Variants in IARS1 observed in about 807,000 individuals in gnomAD.
IARS1 encodes the protein isoleucine--tRNA ligase, cytoplasmic.
In IARS1, 124 loss-of-function variants were observed where a neutral mutation model predicts 168.2. That is an observed-to-expected ratio of 0.74 (90% CI 0.64 to 0.86). The LOEUF (loss-of-function observed/expected upper bound fraction) is 0.86. Ranked by LOEUF, IARS1 falls within the 40% of genes least tolerant of loss-of-function variation. The pLI is 0.00. For missense variants in IARS1, 1,452 were observed against 1,515.8 expected (o/e 0.96, Z 0.70); for synonymous variants, 532 against 529.4 (o/e 1.00, Z -0.07).
At chr9:92,283,955 T>C (rs1587891597) in intron 6 of IARS1, among the ~76,000 whole-genome samples, 1 of 152,052 alleles carries the variant, frequency 6.6e-6, no homozygotes, top group Non-Finnish European at 1.5e-5. Context: ...CCAAGGCGGG[T>C]GGACTGCTTG....
At chr9:92,275,740 G>C (rs1833690737) in intron 9 of IARS1, among the ~76,000 whole-genome samples, 1 of 152,224 alleles carries the variant, frequency 6.6e-6, no homozygotes, top group Non-Finnish European at 1.5e-5. Context: ...AGGAGCAGCA[G>C]TGCTGCTCCA....
chr9:92,244,843 G>T, intron 27 of IARS1, 116 bp downstream of exon 27: 4 of 738,120 alleles, frequency 5.4e-6, no homozygotes, highest in Non-Finnish European at 9.1e-6. Flanking sequence ...CAAGTAACTG[G>T]TTTATTTTAC....
At chr9:92,271,421 T>C in intron 11 of IARS1, 112 bp downstream of exon 11, 1 of 1,362,194 alleles carries the variant, frequency 7.3e-7, no homozygotes, top group Non-Finnish European at 1.0e-6. Flanking sequence ...TTTCATGCGA[T>C]GACAAAACCA....
intron 7 of IARS1, among the ~76,000 whole-genome samples, chr9:92,278,848 T>C (rs575008282): frequency 1.5e-3 from 223 of 152,332 alleles, no homozygotes; most frequent in Non-Finnish European, 2.3e-3. Flanking sequence ...TATGGGACGC[T>C]ATTTTATAGA....
chr9:92,215,031 C>G (rs1209609446), intron 33 of IARS1, among the ~76,000 whole-genome samples: 1 of 152,176 alleles, frequency 6.6e-6, no homozygotes, highest in East Asian at 1.9e-4. Flanking sequence ...TGTCTGACAG[C>G]TTTGAAGAGA....
At chr9:92,248,321 G>C (rs1216254736) in intron 25 of IARS1, among the ~76,000 whole-genome samples, 1 of 152,154 alleles carries the variant, frequency 6.6e-6, no homozygotes, top group African/African-American at 2.4e-5. Flanking sequence ...GGAATGTTTA[G>C]TTTTGCCATT....
intron 10 of IARS1, among the ~76,000 whole-genome samples, chr9:92,273,341 T>C (rs1045844358): frequency 2.0e-5 from 3 of 152,194 alleles, no homozygotes; most frequent in Admixed American, 6.5e-5. Flanking sequence ...TATTAAGGAA[T>C]TGCTGACTTT....
Position 92,227,794 on chromosome 9 carries a change from C to T in IARS1, c.3409+1207G>A, listed in dbSNP as rs1192623843. Among the ~76,000 whole-genome samples, 4 of 150,238 alleles carry T rather than the reference C, an allele frequency of 2.7e-5. No individual in the cohort carries two copies. In the South Asian group the frequency reaches 6.4e-4, roughly 24 times the overall value. On this transcript the variant is annotated intron_variant, in intron 31 of 33. Coordinates refer to ENST00000443024, the MANE Select transcript of IARS1 (RefSeq NM_002161.6). The stretch of plus-strand genomic sequence containing the variant: ...AGATGGGATGGCGGCCGGGAAGAGG[C>T]GCTCCTCACTTCCTAGATGGGATGG...
intron 33 of IARS1, among the ~76,000 whole-genome samples, chr9:92,214,564 G>C (rs1289706711): frequency 1.3e-5 from 2 of 152,186 alleles, no homozygotes; most frequent in African/African-American, 4.8e-5. Flanking sequence ...GTGGGTGCAC[G>C]CACCGTGCGC....
rs1364618802 is a variant in IARS1 at position 92,222,650 on chromosome 9, G to A, written c.3576C>T (p.Gly1192=). The part of the protein sequence containing the change: ...KPQECLMGTV[G]TLLLENPLGQ... Reference sequence around the variant, plus strand: ...CAAGTGGGTTTTCAAGCAGGAGAGTGCCCACTGTCCCCATTAAACACTCTG... The same window carrying A: ...CAAGTGGGTTTTCAAGCAGGAGAGTACCCACTGTCCCCATTAAACACTCTG... Residue 1192 remains glycine, a synonymous_variant, in exon 33 of 34, where the codon GGC becomes GGT. Coordinates refer to ENST00000443024, the MANE Select transcript of IARS1 (RefSeq NM_002161.6). The A allele has an allele frequency of 1.9e-6, 3 of 1,613,894 alleles. No homozygotes were observed. The highest frequency in any genetic ancestry group is 1.3e-5 in the African/African-American group (1 of 74,888).
At chr9:92,220,852 A>G (rs1034876317) in intron 33 of IARS1, among the ~76,000 whole-genome samples, 1 of 151,580 alleles carries the variant, frequency 6.6e-6, no homozygotes. Context: ...CTGTAGTCCT[A>G]GCTAGGGAGG....
At chr9:92,242,487 G>C in intron 28 of IARS1, 157 bp from the exon 29 acceptor site, 1 of 606,846 alleles carries the variant, frequency 1.6e-6, no homozygotes, top group South Asian at 2.0e-5. Flanking sequence ...AAGACTAACT[G>C]CACTCAGTAC....
Position 92,258,878 on chromosome 9 carries a change from G to A in IARS1, c.1992C>T (p.Ile664=). 1.2e-6 allele frequency: 2 copies of A among 1,612,548 alleles called. No homozygotes were observed. Among genetic ancestry groups the A allele is most frequent in the Non-Finnish European group, 1.7e-6 (2 of 1,179,524 alleles). The change falls in exon 19 of 34, where the codon ATC becomes ATT. Residue 664 remains isoleucine (I), a synonymous_variant. Transcript: ENST00000443024. ...CCTTCTGGAGCCTCAGAACGTTCTGGATTAAGAAGCGATAGGCATTGTACC... is the reference window on the plus strand; with the variant it reads ...CCTTCTGGAGCCTCAGAACGTTCTGAATTAAGAAGCGATAGGCATTGTACC... ...LPWYNAYRFL[I]QNVLRLQKEE...
Position 92,260,260 on chromosome 9 carries a change from A to G in IARS1, c.1788-26T>C, listed in dbSNP as rs548601090. The G allele has an allele frequency of 1.2e-5, 16 of 1,366,512 alleles. No homozygotes were observed. The South Asian group carries it at 1.7e-4, about 15-fold the overall frequency. 84.6% of individuals were successfully genotyped at this position (1,366,512 alleles called of 1,614,324 possible). On this transcript the variant is annotated intron_variant, in intron 17 of 33. Transcript: ENST00000443024. ...CTTGTAAAACAAAAGGGAGATGCCAATTAAGTAAGTCAATATCACAGATGA... is the reference window on the plus strand; with the variant it reads ...CTTGTAAAACAAAAGGGAGATGCCAGTTAAGTAAGTCAATATCACAGATGA...
At chr9:92,214,984 A>G (rs1838403699) in intron 33 of IARS1, among the ~76,000 whole-genome samples, 1 of 152,204 alleles carries the variant, frequency 6.6e-6, no homozygotes. Context: ...CAGACAAACA[A>G]AAAGACAGCA....
intron 9 of IARS1, among the ~76,000 whole-genome samples, chr9:92,274,747 T>C (rs1252320848): frequency 6.6e-6 from 1 of 152,230 alleles, no homozygotes; most frequent in Non-Finnish European, 1.5e-5. Flanking sequence ...ATCTGGAGAA[T>C]GGCAGATAAA....
intron 1 of IARS1, 140 bp from the exon 2 acceptor site, chr9:92,289,566 T>C: frequency 1.7e-6 from 1 of 602,676 alleles, no homozygotes. Flanking sequence ...TTACATAGTG[T>C]AATGTAAAAA....
chr9:92,265,660 T>A (rs1832187423), intron 14 of IARS1, 107 bp from the exon 15 acceptor site: 1 of 926,130 alleles, frequency 1.1e-6, no homozygotes, highest in Admixed American at 1.8e-5. Context: ...ATGATTTTCT[T>A]TTTCCTTTTT....
intron 9 of IARS1, among the ~76,000 whole-genome samples, chr9:92,274,836 G>A (rs147664604): frequency 2.0e-5 from 3 of 152,226 alleles, no homozygotes; most frequent in Admixed American, 2.0e-4. Context: ...TGCAGTTTAG[G>A]ATACAGTCTC....
Sources: allele counts gnomAD v4.1 joint callset (sites outside exome capture counted in the v4.1 genomes callset), GRCh38; gene constraint gnomAD v4.1.1; transcripts MANE v1.5; gene names NCBI Gene and HGNC (gene_info 2026-07-23, HGNC 2026-07-21).